BRD1: variants seen among roughly 807,000 people sequenced by gnomAD.
The protein encoded by BRD1 is bromodomain-containing protein 1.
Under a neutral mutation model 107.7 loss-of-function variants are expected in BRD1, and 24 were observed. The observed-to-expected ratio is 0.22, with a 90% CI of 0.16 to 0.31. BRD1 has a LOEUF of 0.31. Among genes scored for constraint, BRD1 ranks in the 10% least tolerant of loss-of-function variants. The pLI, the probability that BRD1 is intolerant of heterozygous loss-of-function variation, is 1.00. For missense variants in BRD1, 1,279 were observed against 1,638.6 expected, an observed-to-expected ratio of 0.78 and a Z score of 3.79; for synonymous variants, 744 against 686.1, an observed-to-expected ratio of 1.08 and a Z score of -1.32.
At chr22:49,782,943 G>C (rs1266693828) in intron 8 of BRD1, among the ~76,000 whole-genome samples, 6 of 124,566 alleles carry the variant, frequency 4.8e-5, no homozygotes, top group African/African-American at 1.6e-4. Flanking sequence ...TGACAATGCC[G>C]CTGGGGACAG....
intron 8 of BRD1, 117 bp from the exon 9 acceptor site, chr22:49,777,930 C>G: frequency 7.3e-7 from 1 of 1,361,992 alleles, no homozygotes; most frequent in East Asian, 2.6e-5. Context: ...ACAGGTAAGA[C>G]AGCATCTTCC....
At chr22:49,776,601 C>T (rs1007371434) in intron 10 of BRD1, among the ~76,000 whole-genome samples, 2 of 152,234 alleles carry the variant, frequency 1.3e-5, no homozygotes, top group African/African-American at 4.8e-5. Context: ...CCTGATGCCC[C>T]CTCACAGCAT....
In BRD1 at chr22:49,804,415, A is replaced by C; in HGVS notation, c.1368-55T>G. ...AAGCAGTACATTAAGATGTTTCATC[A>C]CATAAACTAGAAATGACAGTACTAC... On this transcript the variant is annotated intron_variant, in intron 2 of 12. Coordinates refer to ENST00000404760, the MANE Select transcript of BRD1 (RefSeq NM_001304808.3). 2.0e-6 allele frequency: 3 copies of C among 1,529,934 alleles called. No homozygotes were observed. The South Asian group carries it at 3.9e-5, about 20-fold the overall frequency. 94.8% of individuals were successfully genotyped at this position (1,529,934 alleles called of 1,614,324 possible).
At chr22:49,818,105 T>A (rs2059989663) in intron 2 of BRD1, 3 of 632,700 alleles carry the variant, frequency 4.7e-6, no homozygotes, top group Non-Finnish European at 4.0e-6. Flanking sequence ...GTTCATCCTT[T>A]TAAACTCAAA....
chr22:49,789,973 C>G (rs544239987), intron 7 of BRD1, among the ~76,000 whole-genome samples: 20 of 152,368 alleles, frequency 1.3e-4, no homozygotes, highest in African/African-American at 4.6e-4. Flanking sequence ...GTGGCCCTGT[C>G]TCAGCCATGC....
At position 49,824,801 on chromosome 22, in the gene BRD1, G is replaced by A. The variant is rs995895126; in HGVS notation, c.-14-470C>T. The A allele has an allele frequency of 1.7e-4, 169 of 1,011,200 alleles. No individual in the cohort carries two copies. The highest frequency in any genetic ancestry group is 5.0e-4 in the Middle Eastern group (1 of 1,984). The allele number at this position is 1,011,200 out of a possible 1,614,324, so 62.6% of individuals were successfully genotyped here. A position where few individuals can be genotyped will look rare whatever the true frequency, so the allele number is the denominator to read the frequency against. On this transcript the variant is annotated intron_variant, in intron 1 of 12. Transcript: ENST00000404760. This position sits in a 1 kb window ranked among gnomAD's most constrained non-coding sequence, Gnocchi z 5.9. The stretch of plus-strand genomic sequence containing the variant: ...TGCTCAGTGGCTACCTGGTCCTATC[G>A]GATGCTCCCCCTAAACCACTCTTCC...
At position 49,827,860 on chromosome 22, in the gene BRD1, G is replaced by T. The variant is rs990805367; in HGVS notation, c.-378C>A. 7.0e-6 allele frequency among the ~76,000 whole-genome samples: 1 copy of T among 141,970 alleles called. No homozygotes were observed. The highest frequency in any genetic ancestry group is 1.5e-5 in the Non-Finnish European group (1 of 64,922). The allele number at this position is 141,970 out of a possible 152,430, so 93.1% of individuals were successfully genotyped here. Reference sequence around the variant, plus strand: ...CCGGGTCGCTCGCTCGCTCCCCAGCGAAGCAAACAATGCGGCGAGCGCTCC... The same window carrying T: ...CCGGGTCGCTCGCTCGCTCCCCAGCTAAGCAAACAATGCGGCGAGCGCTCC... On this transcript the variant is annotated 5_prime_UTR_variant, in exon 1 of 13. Coordinates refer to ENST00000404760, the MANE Select transcript of BRD1 (RefSeq NM_001304808.3).
intron 1 of BRD1, among the ~76,000 whole-genome samples, chr22:49,826,871 A>C (rs115092425): frequency 1.2e-4 from 18 of 152,202 alleles, no homozygotes; most frequent in African/African-American, 4.3e-4. Context: ...CGCTCACAAG[A>C]GCCGCGTTTC....
Position 49,824,853 on chromosome 22 carries a change from T to A in BRD1, c.-14-522A>T, listed in dbSNP as rs1601758008. 1 of 998,444 alleles carries A rather than the reference T, an allele frequency of 1.0e-6. No individual in the cohort carries two copies. Among genetic ancestry groups the A allele is most frequent in the African/African-American group, 1.7e-5 (1 of 57,750 alleles). 61.8% of individuals were successfully genotyped at this position (998,444 alleles called of 1,614,324 possible). On this transcript the variant is annotated intron_variant, in intron 1 of 12. Transcript: ENST00000404760. This position sits in a 1 kb window ranked among gnomAD's most constrained non-coding sequence, Gnocchi z 5.9. ...CTCCCCACTACTCCCAGGAGAGCAC[T>A]CCCATGAGCCCAGAGTCACCACAGT...
intron 2 of BRD1, among the ~76,000 whole-genome samples, chr22:49,811,827 G>A (rs1478440866): frequency 5.9e-5 from 9 of 152,244 alleles, no homozygotes; most frequent in Non-Finnish European, 8.8e-5. Flanking sequence ...CCGCACAGGC[G>A]AATTCAGCCG....
intron 5 of BRD1, 116 bp downstream of exon 5, chr22:49,798,442 C>G: frequency 6.7e-7 from 1 of 1,499,010 alleles, no homozygotes. Context: ...TAAATAAAAA[C>G]GAGAATTAAG....
At chr22:49,818,207 A>C in intron 2 of BRD1, 1 of 1,149,854 alleles carries the variant, frequency 8.7e-7, no homozygotes, top group Non-Finnish European at 1.1e-6. Context: ...AGGAGCACCC[A>C]TCACAAAGCC....
intron 2 of BRD1, among the ~76,000 whole-genome samples, chr22:49,807,409 A>G (rs1038940606): frequency 1.3e-5 from 2 of 152,194 alleles, no homozygotes; most frequent in African/African-American, 4.8e-5. Context: ...GGTGCTGACG[A>G]AAGGACACAC....
chr22:49,798,478 TCA>T, intron 5 of BRD1, 78 bp downstream of exon 5: 1 of 1,608,388 alleles, frequency 6.2e-7, no homozygotes, highest in Non-Finnish European at 8.5e-7. Flanking sequence ...CTCTAGCCAA[TCA>T]CACGTTTCCC....
Position 49,823,598 on chromosome 22 carries a change from G to C in BRD1, c.720C>G (p.Ala240=). Residue 240 remains alanine, a synonymous_variant, in exon 2 of 13, where the codon GCC becomes GCG. Transcript: ENST00000404760. ...VILFCDMCNL[A]VHQECYGVPY... ...GCACCCCGTAGCACTCCTGGTGCAC[G>C]GCCAGGTTGCACATGTCGCAGAAGA... 2 of 1,607,900 alleles carry C rather than the reference G, an allele frequency of 1.2e-6. No homozygotes were observed. Among genetic ancestry groups the C allele is most frequent in the Non-Finnish European group, 1.7e-6 (2 of 1,176,208 alleles).
Position 49,808,835 on chromosome 22 carries a change from T to C in BRD1, c.1368-4475A>G, listed in dbSNP as rs542959063. On this transcript the variant is annotated intron_variant, in intron 2 of 12. Transcript: ENST00000404760. ...TGAGTCAATACATCAGAAGAAAAAG[T>C]GAGCCGGGCGCAGTGGCTTCCGCCT... 3.3e-4 allele frequency among the ~76,000 whole-genome samples: 50 copies of C among 152,220 alleles called. 1 individual carries two copies. Among genetic ancestry groups the C allele is most frequent in the South Asian group, 2.9e-3 (14 of 4,824 alleles).
intron 2 of BRD1, chr22:49,806,599 CT>C (rs1234185626): frequency 6.6e-6 from 1 of 152,230 alleles, no homozygotes; most frequent in Non-Finnish European, 1.5e-5. Context: ...AAAGCAGTCC[CT>C]GAGGGCTGGG....
rs1347219346 is a variant in BRD1, at chr22:49,792,791, G to A, written c.2359+1243C>T. ...CACAGGAGTAAGTTTCTAAGAGAAA[G>A]AAAAGCTTAATGGCTCTCATTCAAG... On this transcript the variant is annotated intron_variant, in intron 7 of 12. Transcript: ENST00000404760. This position sits in a 1 kb window ranked among gnomAD's most constrained non-coding sequence, Gnocchi z 4.2. Among the ~76,000 whole-genome samples, 2 of 152,144 alleles carry A rather than the reference G, an allele frequency of 1.3e-5. No homozygotes were observed. Among genetic ancestry groups the A allele is most frequent in the East Asian group, 1.9e-4 (1 of 5,198 alleles).
chr22:49,780,031 G>A (rs1358357538), intron 8 of BRD1, among the ~76,000 whole-genome samples: 2 of 152,226 alleles, frequency 1.3e-5, no homozygotes, highest in Non-Finnish European at 2.9e-5. Context: ...CGCAGCCCAG[G>A]GCCTGGGTGG....
Sources: gnomAD v4.1 joint callset for allele counts (sites outside exome capture counted in the v4.1 genomes callset) on GRCh38, gnomAD v4.1.1 for gene constraint, Gnocchi (gnomAD v3.1) non-coding constraint, MANE v1.5 for transcripts, NCBI Gene and HGNC (gene_info 2026-07-23, HGNC 2026-07-21) for gene names.